SEMA5A: variants seen among roughly 807,000 people sequenced by gnomAD.
SEMA5A encodes semaphorin-5A.
In SEMA5A, 55 loss-of-function variants were observed where a neutral mutation model predicts 135.5. The observed-to-expected ratio is 0.41, with a 90% CI of 0.33 to 0.51. The LOEUF (loss-of-function observed/expected upper bound fraction) is 0.51, where lower values mean the gene tolerates loss of function less well. SEMA5A is among the 20% of genes least tolerant of loss of function. SEMA5A has a pLI of 0.37. For synonymous variants in SEMA5A, 580 were observed against 546.5 expected, an observed-to-expected ratio of 1.06 and a Z score of -0.85; for missense variants, 1,290 against 1,419.9, an observed-to-expected ratio of 0.91 and a Z score of 1.47.
chr5:9,143,165 A>G (rs1028824743), intron 12 of SEMA5A, among the ~76,000 whole-genome samples: 22 of 152,202 alleles, frequency 1.4e-4, no homozygotes, highest in Non-Finnish European at 2.4e-4. Context: ...GACAGTATAT[A>G]AAAAAGGTTT....
intron 2 of SEMA5A, among the ~76,000 whole-genome samples, chr5:9,409,679 AT>A (rs1757030491): frequency 6.6e-6 from 1 of 152,176 alleles, no homozygotes; most frequent in Non-Finnish European, 1.5e-5. Flanking sequence ...CCTGTGCAAA[AT>A]TACACTTCTC....
At chr5:9,484,135 A>G (rs1759986485) in intron 1 of SEMA5A, among the ~76,000 whole-genome samples, 1 of 152,244 alleles carries the variant, frequency 6.6e-6, no homozygotes, top group Non-Finnish European at 1.5e-5. Context: ...AGGAAAAAAG[A>G]ACAGATTTTC....
chr5:9,042,742 C>T lies in SEMA5A; in HGVS notation c.*155G>A, dbSNP rs891504688. On this transcript the variant is annotated 3_prime_UTR_variant, in exon 23 of 23. Transcript: ENST00000382496. ...TTTCAATTTTTGTTGCTTTTAAAGA[C>T]GTGTATTTTTGGCAGCAATGGGACA... 15 of 779,290 alleles carry T rather than the reference C, an allele frequency of 1.9e-5. No individual in the cohort carries two copies. The highest frequency in any genetic ancestry group is 1.8e-4 in the African/African-American group (10 of 55,968). 48.3% of individuals were successfully genotyped at this position (779,290 alleles called of 1,614,324 possible). A position where few individuals can be genotyped will look rare whatever the true frequency, so the allele number is the denominator to read the frequency against.
intron 16 of SEMA5A, among the ~76,000 whole-genome samples, chr5:9,071,821 C>A (rs1479514744): frequency 1.3e-5 from 2 of 152,176 alleles, no homozygotes; most frequent in African/African-American, 4.8e-5. Context: ...TTATCAAGTT[C>A]TCTTTCAGTA....
At chr5:9,461,328 T>C (rs1042861407) in intron 1 of SEMA5A, among the ~76,000 whole-genome samples, 5 of 152,192 alleles carry the variant, frequency 3.3e-5, no homozygotes, top group African/African-American at 1.2e-4. Context: ...GCATGGAAGA[T>C]TATAACTTAG....
At chr5:9,121,213 C>T (rs1002120390) in intron 14 of SEMA5A, among the ~76,000 whole-genome samples, 30 of 152,140 alleles carry the variant, frequency 2.0e-4, no homozygotes, top group Admixed American at 1.6e-3. Flanking sequence ...CAGCTTTACA[C>T]GTATATGTCT....
intron 16 of SEMA5A, among the ~76,000 whole-genome samples, chr5:9,077,505 G>A (rs1465705558): frequency 1.3e-5 from 2 of 152,214 alleles, no homozygotes; most frequent in Non-Finnish European, 2.9e-5. Flanking sequence ...GCATTTCTAA[G>A]TAGAAAATCA....
intron 2 of SEMA5A, among the ~76,000 whole-genome samples, chr5:9,388,674 C>T (rs566525002): frequency 2.8e-4 from 42 of 152,066 alleles, no homozygotes; most frequent in African/African-American, 5.8e-4. Flanking sequence ...CCGAGGTGGG[C>T]GGATCATGAG....
chr5:9,042,655 C>T lies in SEMA5A; in HGVS notation c.*242G>A. On this transcript the variant is annotated 3_prime_UTR_variant, in exon 23 of 23. Transcript: ENST00000382496. ...GGACTTGTCAGAAAAATAGGATGAA[C>T]ACAATTAAAAACTTCACACCCTGGC... The T allele has an allele frequency of 4.5e-6, 2 of 443,966 alleles. No individual in the cohort carries two copies. Among genetic ancestry groups the T allele is most frequent in the South Asian group, 3.0e-5 (1 of 33,686 alleles). 27.5% of individuals were successfully genotyped at this position (443,966 alleles called of 1,614,324 possible). A position where few individuals can be genotyped will look rare whatever the true frequency, so the allele number is the denominator to read the frequency against.
intron 1 of SEMA5A, among the ~76,000 whole-genome samples, chr5:9,483,452 C>T (rs1464487766): frequency 6.6e-6 from 1 of 152,096 alleles, no homozygotes; most frequent in Admixed American, 6.6e-5. Flanking sequence ...CTAAGGGAAG[C>T]ACTGAAAAAT....
At chr5:9,047,876 G>T (rs1263427828) in intron 21 of SEMA5A, among the ~76,000 whole-genome samples, 2 of 152,190 alleles carry the variant, frequency 1.3e-5, no homozygotes, top group Non-Finnish European at 2.9e-5. Context: ...CACAGGAGTA[G>T]TATTTTAGGG....
At chr5:9,414,796 C>T (rs2126614099) in intron 2 of SEMA5A, among the ~76,000 whole-genome samples, 1 of 152,284 alleles carries the variant, frequency 6.6e-6, no homozygotes, top group South Asian at 2.1e-4. Flanking sequence ...TGACTCTACC[C>T]TGGGAAAGTG....
intron 8 of SEMA5A, among the ~76,000 whole-genome samples, chr5:9,203,376 G>A (rs1745828206): frequency 6.6e-6 from 1 of 152,160 alleles, no homozygotes; most frequent in African/African-American, 2.4e-5. Context: ...AATTGGCCTT[G>A]TACCTTTCCA....
intron 11 of SEMA5A, among the ~76,000 whole-genome samples, chr5:9,177,401 T>C (rs1744262629): frequency 1.3e-5 from 2 of 152,214 alleles, no homozygotes; most frequent in African/African-American, 4.8e-5. Context: ...GAAACAGTGA[T>C]GTTGACTCTA....
At chr5:9,377,672 C>G (rs1755422196) in intron 3 of SEMA5A, among the ~76,000 whole-genome samples, 1 of 152,126 alleles carries the variant, frequency 6.6e-6, no homozygotes, top group South Asian at 2.1e-4. Flanking sequence ...TTAGGTTGGT[C>G]AGCAGAGACT....
chr5:9,243,825 T>C (rs931596617), intron 5 of SEMA5A, among the ~76,000 whole-genome samples: 5 of 152,182 alleles, frequency 3.3e-5, no homozygotes, highest in African/African-American at 9.7e-5. Flanking sequence ...TGAACTACTC[T>C]CCTGCTATTT....
intron 1 of SEMA5A, among the ~76,000 whole-genome samples, chr5:9,439,349 C>T (rs922593539): frequency 1.3e-5 from 2 of 152,300 alleles, no homozygotes; most frequent in South Asian, 2.1e-4. Flanking sequence ...TGTTTGAATA[C>T]ACAAGCATCC....
chr5:9,490,993 C>T (rs1241864488), intron 1 of SEMA5A, among the ~76,000 whole-genome samples: 1 of 152,164 alleles, frequency 6.6e-6, no homozygotes, highest in Non-Finnish European at 1.5e-5. Flanking sequence ...TGGAGTGGCT[C>T]TTATGCCACA....
Position 9,051,910 on chromosome 5 carries a change from C to G in SEMA5A, c.2808G>C (p.Glu936Asp). 6.2e-7 allele frequency: 1 copy of G among 1,614,214 alleles called. No individual in the cohort carries two copies. The highest frequency in any genetic ancestry group is 8.5e-7 in the Non-Finnish European group (1 of 1,180,046). The change falls in exon 20 of 23, where the codon GAG becomes GAC. Residue 936 changes from glutamate to aspartate, a missense_variant. Glu to Asp is a conservative substitution (Grantham distance 45). This residue lies in a region of SEMA5A where 1,029 missense variants were observed against 1,086.6 expected (regional missense o/e 0.95). Coordinates refer to ENST00000382496, the MANE Select transcript of SEMA5A (RefSeq NM_003966.3). ...TAGAGTCAAACACACACGGCCGGCT[C>G]TCCGTGGTGTTCCCGGAGCACTGGC... is the stretch of plus-strand genomic sequence containing the variant. ...MGSQCSGNTT[E>D]SRPCVFDSNF...
Sources: gnomAD v4.1 joint callset for allele counts (sites outside exome capture counted in the v4.1 genomes callset) on GRCh38, gnomAD v4.1.1 for gene constraint, gnomAD v4.1.1 regional missense constraint, MANE v1.5 for transcripts, NCBI Gene and HGNC (gene_info 2026-07-23, HGNC 2026-07-21) for gene names.